TRAFD1: variants seen among roughly 807,000 people sequenced by gnomAD.
TRAFD1 encodes TRAF-type zinc finger domain containing 1.
In TRAFD1, 38 loss-of-function variants were observed where a neutral mutation model predicts 65.3. The observed-to-expected ratio is 0.58, with a 90% CI of 0.45 to 0.76. TRAFD1 has a LOEUF of 0.76. Ranked by LOEUF, TRAFD1 falls within the 30% of genes least tolerant of loss-of-function variation. The pLI is 0.00. For missense variants in TRAFD1, 631 were observed against 712.6 expected (o/e 0.89, Z 1.30); for synonymous variants, 223 against 257.2 (o/e 0.87, Z 1.27).
rs1299486236 is a variant in TRAFD1, at chr12:112,137,165, G to A, written c.237+2099G>A. The stretch of plus-strand genomic sequence containing the variant: ...TTGAACCTGGGAGGTGGAGGTTGCA[G>A]TGAGCCGAGATCGTGCCATTGCACT... On this transcript the variant is annotated intron_variant, in intron 4 of 11. Coordinates refer to ENST00000412615, the MANE Select transcript of TRAFD1 (RefSeq NM_006700.3). The surrounding 1 kb of genome is among the most constrained non-coding windows in gnomAD (Gnocchi z 4.2). Among the ~76,000 whole-genome samples, 1 of 152,236 alleles carries A rather than the reference G, an allele frequency of 6.6e-6. No homozygotes were observed. Among genetic ancestry groups the A allele is most frequent in the Non-Finnish European group, 1.5e-5 (1 of 68,046 alleles).
At chr12:112,140,687 A>AT (rs1459260597) in intron 4 of TRAFD1, 132 bp from the exon 5 acceptor site, 2 of 1,073,468 alleles carry the variant, frequency 1.9e-6, no homozygotes, top group African/African-American at 3.2e-5. Context: ...AATTAAATAC[A>AT]TTAAAAAAGG....
Position 112,137,347 on chromosome 12 carries a change from AGTTT to A in TRAFD1, c.237+2285_237+2288del, listed in dbSNP as rs1474975653. Among the ~76,000 whole-genome samples, 2 of 152,234 alleles carry A rather than the reference AGTTT, an allele frequency of 1.3e-5. No homozygotes were observed. The highest frequency in any genetic ancestry group is 4.8e-5 in the African/African-American group (2 of 41,460). Reference sequence around the variant, plus strand: ...GTGCCCCTTCAAGGAACCACGTGACAGTTTGTTCAGTTGAGCACAAGTTCCTTGC... The same window carrying A: ...GTGCCCCTTCAAGGAACCACGTGACAGTTCAGTTGAGCACAAGTTCCTTGC... On this transcript the variant is annotated intron_variant, in intron 4 of 11. Coordinates refer to ENST00000412615, the MANE Select transcript of TRAFD1 (RefSeq NM_006700.3). The surrounding 1 kb of genome is among the most constrained non-coding windows in gnomAD (Gnocchi z 4.2).
At chr12:112,142,658 A>G (rs1279486990) in intron 6 of TRAFD1, among the ~76,000 whole-genome samples, 1 of 151,928 alleles carries the variant, frequency 6.6e-6, no homozygotes, top group African/African-American at 2.4e-5. Context: ...CAAAAAAAAA[A>G]GGCTCTAAAG....
intron 4 of TRAFD1, chr12:112,140,153 G>T (rs2030042718): frequency 3.0e-6 from 1 of 338,610 alleles, no homozygotes; most frequent in South Asian, 2.2e-5. Context: ...GGGCGTGGTG[G>T]CTCAAGCCTG....
intron 1 of TRAFD1, among the ~76,000 whole-genome samples, chr12:112,126,959 T>G (rs960912089): frequency 1.3e-5 from 2 of 152,196 alleles, no homozygotes; most frequent in Admixed American, 1.3e-4. Flanking sequence ...CAGCCCAGAA[T>G]GGGTGTCTTG....
At position 112,145,584 on chromosome 12, in the gene TRAFD1, A is replaced by G; in HGVS notation, c.851-2A>G. 6.2e-7 allele frequency: 1 copy of G among 1,614,098 alleles called. No homozygotes were observed. Among genetic ancestry groups the G allele is most frequent in the Non-Finnish European group, 8.5e-7 (1 of 1,179,980 alleles). The stretch of plus-strand genomic sequence containing the variant: ...AGTCTCATTGTGTGGCCTAATACCT[A>G]GGTGCAGCTGACGAGATCATGTTGC... On this transcript the variant is annotated splice_acceptor_variant, in intron 6 of 11. Transcript: ENST00000412615. LOFTEE classifies it high-confidence loss of function.
At chr12:112,139,984 T>G (rs998469875) in intron 4 of TRAFD1, 11 of 180,150 alleles carry the variant, frequency 6.1e-5, no homozygotes, top group African/African-American at 2.6e-4. Flanking sequence ...CACACCACTC[T>G]GTCGCTGGGC....
At position 112,152,694 on chromosome 12, in the gene TRAFD1, CT is replaced by C. The variant is rs1161489992; in HGVS notation, c.1693-36del. 6.2e-7 allele frequency: 1 copy of C among 1,613,518 alleles called. No individual in the cohort carries two copies. The highest frequency in any genetic ancestry group is 2.2e-5 in the East Asian group (1 of 44,900). ...CCAGGGGAGGAGTAATGCTTTTTCA[CT>C]TTTTATGTAAAGCTTCGTTTGTGTT... On this transcript the variant is annotated intron_variant, in intron 11 of 11. Transcript: ENST00000412615. The surrounding 1 kb of genome is among the most constrained non-coding windows in gnomAD (Gnocchi z 5.0).
At chr12:112,142,399 CCTTA>C in intron 6 of TRAFD1, 104 bp downstream of exon 6, 1 of 1,353,836 alleles carries the variant, frequency 7.4e-7, no homozygotes, top group Non-Finnish European at 1.0e-6. Flanking sequence ...ATAGAATTTG[CCTTA>C]CTCTTTTTTG....
rs1287007053 is a variant in TRAFD1 at position 112,152,383 on chromosome 12, C to T, written c.1620-44C>T. On this transcript the variant is annotated intron_variant, in intron 10 of 11. Transcript: ENST00000412615. This position sits in a 1 kb window ranked among gnomAD's most constrained non-coding sequence, Gnocchi z 5.0. ...TTCCCTCTGAGTTTGTTGACCTTTG[C>T]TCAGGGACACTTCAGGAGCTAGTTT... is the stretch of plus-strand genomic sequence containing the variant. 3 of 1,605,566 alleles carry T rather than the reference C, an allele frequency of 1.9e-6. No homozygotes were observed. Among genetic ancestry groups the T allele is most frequent in the South Asian group, 1.1e-5 (1 of 90,950 alleles).
At chr12:112,140,690 A>T (rs1324416903) in intron 4 of TRAFD1, 129 bp from the exon 5 acceptor site, 9 of 1,085,874 alleles carry the variant, frequency 8.3e-6, no homozygotes, top group Non-Finnish European at 1.0e-5. Context: ...TAAATACATT[A>T]AAAAAGGGTA....
chr12:112,142,434 T>C, intron 6 of TRAFD1, 139 bp downstream of exon 6: 2 of 1,062,308 alleles, frequency 1.9e-6, no homozygotes, highest in Middle Eastern at 3.2e-4. Flanking sequence ...CTTTTCTTTT[T>C]TGGGACAGTC....
chr12:112,143,063 A>G (rs2030135338), intron 6 of TRAFD1, among the ~76,000 whole-genome samples: 1 of 149,112 alleles, frequency 6.7e-6, no homozygotes, highest in Admixed American at 6.7e-5. Flanking sequence ...GATTACAGGC[A>G]TGTGCCATCA....
chr12:112,148,409 A>G (rs2030314923), intron 8 of TRAFD1, 105 bp downstream of exon 8: 1 of 958,762 alleles, frequency 1.0e-6, no homozygotes, highest in African/African-American at 1.6e-5. Flanking sequence ...CATCCTGACA[A>G]GGAATGCACA....
At chr12:112,146,961 A>T in intron 7 of TRAFD1, among the ~76,000 whole-genome samples, 1 of 132,214 alleles carries the variant, frequency 7.6e-6, no homozygotes, top group Non-Finnish European at 1.6e-5. Flanking sequence ...TATGTGTTTG[A>T]GGATTACCTG....
Position 112,151,216 on chromosome 12 carries a change from C to T in TRAFD1, c.1280-585C>T, listed in dbSNP as rs148752770. On this transcript the variant is annotated intron_variant, in intron 9 of 11. Coordinates refer to ENST00000412615, the MANE Select transcript of TRAFD1 (RefSeq NM_006700.3). Reference sequence around the variant, plus strand: ...TCATGCCATTGCACTCCAGTCTGGGCGACAGAGCAAGACTCCATCTCAAAA... The same window carrying T: ...TCATGCCATTGCACTCCAGTCTGGGTGACAGAGCAAGACTCCATCTCAAAA... 6.3e-3 allele frequency among the ~76,000 whole-genome samples: 953 copies of T among 151,682 alleles called. 13 individuals carry two copies. The highest frequency in any genetic ancestry group is 0.02 in the African/African-American group (807 of 41,362).
chr12:112,151,667 G>C (rs1288287208), intron 9 of TRAFD1, 134 bp from the exon 10 acceptor site: 3 of 824,594 alleles, frequency 3.6e-6, no homozygotes, highest in Non-Finnish European at 5.6e-6. Flanking sequence ...CAAAGTGCTG[G>C]GTTTACAGGC....
At position 112,137,096 on chromosome 12, in the gene TRAFD1, G is replaced by T. The variant is rs569442358; in HGVS notation, c.237+2030G>T. ...AAATTAGCTGGGCGTGGATACGCAC[G>T]TCTGAAATCCCAGCTACTCAGAAGG... On this transcript the variant is annotated intron_variant, in intron 4 of 11. Coordinates refer to ENST00000412615, the MANE Select transcript of TRAFD1 (RefSeq NM_006700.3). This position sits in a 1 kb window ranked among gnomAD's most constrained non-coding sequence, Gnocchi z 4.2. Among the ~76,000 whole-genome samples the T allele has an allele frequency of 1.3e-5, 2 of 152,100 alleles. No individual in the cohort carries two copies. Among genetic ancestry groups the T allele is most frequent in the Non-Finnish European group, 2.9e-5 (2 of 68,024 alleles).
intron 4 of TRAFD1, 87 bp from the exon 5 acceptor site, chr12:112,140,732 G>A (rs1593868007): frequency 6.8e-7 from 1 of 1,478,724 alleles, no homozygotes; most frequent in Non-Finnish European, 9.2e-7. Flanking sequence ...GAAGATTGCA[G>A]TAGATACTCT....
Sources: gnomAD v4.1 joint callset for allele counts (sites outside exome capture counted in the v4.1 genomes callset) on GRCh38, gnomAD v4.1.1 for gene constraint, Gnocchi (gnomAD v3.1) non-coding constraint, MANE v1.5 for transcripts, NCBI Gene and HGNC (gene_info 2026-07-23, HGNC 2026-07-21) for gene names.